BRD7: variants seen among roughly 807,000 people sequenced by gnomAD.
The protein encoded by BRD7 is bromodomain containing 7, also known as bromodomain-containing protein 7.
A neutral mutation model predicts 82.1 loss-of-function variants in BRD7; 15 were observed. That is an observed-to-expected ratio of 0.18 (90% CI 0.12 to 0.28). BRD7 has a LOEUF of 0.28. BRD7 is among the 10% of genes least tolerant of loss of function. The probability of loss-of-function intolerance (pLI) is 1.00; values close to 1 mark genes in which losing one functional copy is unlikely to be tolerated. For missense variants in BRD7, 638 were observed against 779.9 expected (o/e 0.82, Z 2.17); for synonymous variants, 232 against 266.9 (o/e 0.87, Z 1.27).
Position 50,334,824 on chromosome 16 carries a change from A to G in BRD7, c.774T>C (p.Asp258=). The G allele has an allele frequency of 6.2e-7, 1 of 1,614,026 alleles. No individual in the cohort carries two copies. The highest frequency in any genetic ancestry group is 1.7e-5 in the Admixed American group (1 of 60,002). Residue 258 remains aspartate (D), a synonymous_variant, in exon 7 of 17, where the codon GAT becomes GAC. Transcript: ENST00000394688. ...CCCCACTCTGTGAGGTGTCTGTTCC[A>G]TCTTTCTGCTTTCGAGTTTTCTGCA... The part of the protein sequence containing the change: ...ADLQKTRKQK[D]GTDTSQSGED...
chr16:50,330,378 T>C (rs1240475301), intron 8 of BRD7, among the ~76,000 whole-genome samples: 3 of 149,788 alleles, frequency 2.0e-5, no homozygotes, highest in Non-Finnish European at 4.4e-5. Flanking sequence ...TCTCGCTCTG[T>C]TGCCCAGGCT....
chr16:50,329,472 T>C (rs1416140994), intron 8 of BRD7, among the ~76,000 whole-genome samples: 1 of 152,080 alleles, frequency 6.6e-6, no homozygotes, highest in African/African-American at 2.4e-5. Flanking sequence ...AGCTGGAACA[T>C]GTGGTGAGCT....
chr16:50,355,334 G>A lies in BRD7; in HGVS notation c.259-412C>T, dbSNP rs2038690895. Among the ~76,000 whole-genome samples the A allele has an allele frequency of 3.3e-5, 5 of 152,170 alleles. No homozygotes were observed. The South Asian group carries it at 1.0e-3, about 32-fold the overall frequency. On this transcript the variant is annotated intron_variant, in intron 2 of 16. Transcript: ENST00000394688. ...CAATACATTCGATGTAATGCCAATCGAAATTTAAAAACAAAAATTTCCATG... is the reference window on the plus strand; with the variant it reads ...CAATACATTCGATGTAATGCCAATCAAAATTTAAAAACAAAAATTTCCATG...
chr16:50,337,994 T>C (rs2037886748), intron 6 of BRD7, among the ~76,000 whole-genome samples: 1 of 152,154 alleles, frequency 6.6e-6, no homozygotes, highest in African/African-American at 2.4e-5. Context: ...CAAGAGATAA[T>C]GGAATCTTTT....
At chr16:50,319,831 G>A in intron 16 of BRD7, 56 bp downstream of exon 16, 1 of 1,566,826 alleles carries the variant, frequency 6.4e-7, no homozygotes, top group Non-Finnish European at 8.6e-7. Context: ...CAGACACTGA[G>A]GGATGACTAT....
chr16:50,359,603 G>A (rs2038865206), intron 2 of BRD7, among the ~76,000 whole-genome samples: 1 of 152,102 alleles, frequency 6.6e-6, no homozygotes, highest in South Asian at 2.1e-4. Context: ...TATAACAGCA[G>A]AGATGTGCAT....
At chr16:50,350,274 G>A in intron 4 of BRD7, 107 bp from the exon 5 acceptor site, 1 of 758,398 alleles carries the variant, frequency 1.3e-6, no homozygotes, top group Non-Finnish European at 1.9e-6. Context: ...GAAAGAATTT[G>A]TAATATGTTA....
Position 50,320,648 on chromosome 16 carries a change from T to C in BRD7, c.1612+15A>G. ...ATCATGCAGTGTTTCAATCAAACCCTCTGGAGACACTTACCTTCAGAGTCA... is the reference window on the plus strand; with the variant it reads ...ATCATGCAGTGTTTCAATCAAACCCCCTGGAGACACTTACCTTCAGAGTCA... On this transcript the variant is annotated intron_variant, in intron 14 of 16. Transcript: ENST00000394688. 1 of 1,594,032 alleles carries C rather than the reference T, an allele frequency of 6.3e-7. No homozygotes were observed. The highest frequency in any genetic ancestry group is 8.6e-7 in the Non-Finnish European group (1 of 1,162,080).
At chr16:50,325,045 G>T (rs2037280293) in intron 11 of BRD7, among the ~76,000 whole-genome samples, 2 of 152,294 alleles carry the variant, frequency 1.3e-5, no homozygotes, top group South Asian at 2.1e-4. Context: ...AATCTACAGG[G>T]TTAATTTCTT....
chr16:50,319,304 T>C, intron 16 of BRD7, 38 bp from the exon 17 acceptor site: 1 of 1,594,938 alleles, frequency 6.3e-7, no homozygotes, highest in South Asian at 1.1e-5. Context: ...AACATTGTTT[T>C]TACCTTTTAA....
intron 4 of BRD7, among the ~76,000 whole-genome samples, chr16:50,352,041 G>A (rs2038547386): frequency 6.6e-6 from 1 of 152,156 alleles, no homozygotes; most frequent in African/African-American, 2.4e-5. Context: ...CCATCTAACT[G>A]TAATTCTGTA....
chr16:50,337,035 C>T (rs747504828), intron 6 of BRD7, among the ~76,000 whole-genome samples: 2 of 152,042 alleles, frequency 1.3e-5, no homozygotes, highest in Non-Finnish European at 2.9e-5. Context: ...TACTATTATC[C>T]CCACTTTACA....
At chr16:50,338,037 T>C (rs1338338972) in intron 6 of BRD7, among the ~76,000 whole-genome samples, 2 of 152,120 alleles carry the variant, frequency 1.3e-5, no homozygotes, top group East Asian at 1.9e-4. Flanking sequence ...CTTAAGGAAG[T>C]GGTAAATCAA....
intron 8 of BRD7, among the ~76,000 whole-genome samples, chr16:50,332,113 G>A (rs2151152716): frequency 6.6e-6 from 1 of 152,232 alleles, no homozygotes; most frequent in Admixed American, 6.5e-5. Flanking sequence ...AAGCAAAAGT[G>A]ACAAAAACAA....
chr16:50,335,769 C>T (rs867455086), intron 6 of BRD7, among the ~76,000 whole-genome samples: 17 of 152,230 alleles, frequency 1.1e-4, no homozygotes, highest in African/African-American at 4.1e-4. Flanking sequence ...GGTCACTAAA[C>T]CAGCAACTAA....
At chr16:50,324,362 C>T (rs2037245022) in intron 11 of BRD7, among the ~76,000 whole-genome samples, 1 of 152,176 alleles carries the variant, frequency 6.6e-6, no homozygotes. Context: ...TCTCTACAGT[C>T]TATTCTCCAA....
intron 1 of BRD7, 147 bp from the exon 2 acceptor site, chr16:50,368,445 G>T: frequency 1.1e-6 from 1 of 936,280 alleles, no homozygotes; most frequent in Non-Finnish European, 1.6e-6. Flanking sequence ...GACGGACCCC[G>T]GCCCGGGGGT....
chr16:50,323,451 C>T (rs554990557), intron 12 of BRD7, 136 bp downstream of exon 12: 2 of 703,084 alleles, frequency 2.8e-6, no homozygotes, highest in East Asian at 2.7e-5. Context: ...CCGTGGCCTC[C>T]AGCCGGGCTG....
rs150695013 is a variant in BRD7 at position 50,340,964 on chromosome 16, T to A, written c.592-878A>T. On this transcript the variant is annotated intron_variant, in intron 5 of 16. Transcript: ENST00000394688. ...CAAAAAAAATTCAAATTCCACTATTTAATAGTGATGACAGGTTAGAACACT... is the reference window on the plus strand; with the variant it reads ...CAAAAAAAATTCAAATTCCACTATTAAATAGTGATGACAGGTTAGAACACT... Among the ~76,000 whole-genome samples, 975 of 152,254 alleles carry A rather than the reference T, an allele frequency of 6.4e-3. 14 individuals carry two copies. Among genetic ancestry groups the A allele is most frequent in the African/African-American group, 0.022 (915 of 41,550 alleles).
Sources: allele counts gnomAD v4.1 joint callset (sites outside exome capture counted in the v4.1 genomes callset), GRCh38; gene constraint gnomAD v4.1.1; transcripts MANE v1.5; gene names NCBI Gene and HGNC (gene_info 2026-07-23, HGNC 2026-07-21).